NTM: variants seen among roughly 807,000 people sequenced by gnomAD.
NTM encodes the protein IgLON family member 2.
Under a neutral mutation model 42.1 loss-of-function variants are expected in NTM, and 13 were observed. The ratio of observed to expected loss-of-function variants is 0.31; its 90% CI spans 0.20 to 0.49. NTM has a LOEUF of 0.49. Ranked by LOEUF, NTM falls within the 20% of genes least tolerant of loss-of-function variation. The pLI is 0.99. For synonymous variants in NTM, 187 were observed against 179.2 expected, an observed-to-expected ratio of 1.04 and a Z score of -0.35; for missense variants, 373 against 452.8, an observed-to-expected ratio of 0.82 and a Z score of 1.60.
chr11:131,978,354 A>G (rs888613250), intron 2 of NTM, among the ~76,000 whole-genome samples: 3 of 152,196 alleles, frequency 2.0e-5, no homozygotes, highest in Non-Finnish European at 4.4e-5. Flanking sequence ...GATGTTGGCA[A>G]TGGAGGGGAT....
intron 1 of NTM, among the ~76,000 whole-genome samples, chr11:131,380,793 C>T (rs1942579015): frequency 6.6e-6 from 1 of 152,160 alleles, no homozygotes; most frequent in Admixed American, 6.5e-5. Flanking sequence ...TCTGTCGACT[C>T]AAGGTGAGCT....
At chr11:132,096,593 C>A (rs1238941621) in intron 2 of NTM, among the ~76,000 whole-genome samples, 1 of 152,148 alleles carries the variant, frequency 6.6e-6, no homozygotes, top group Non-Finnish European at 1.5e-5. Context: ...GGCCTATTCA[C>A]AAGGCACAAT....
chr11:131,778,642 A>G (rs1023914759), intron 1 of NTM, among the ~76,000 whole-genome samples: 2 of 152,228 alleles, frequency 1.3e-5, no homozygotes, highest in African/African-American at 2.4e-5. Context: ...GCTCTAGCAT[A>G]TAGTGATGGT....
At chr11:131,472,183 T>C (rs1290446303) in intron 1 of NTM, among the ~76,000 whole-genome samples, 1 of 152,220 alleles carries the variant, frequency 6.6e-6, no homozygotes, top group African/African-American at 2.4e-5. Context: ...ACTGTGTGGC[T>C]ATTTAATTGG....
At chr11:132,159,209 A>G (rs374546287) in intron 3 of NTM, among the ~76,000 whole-genome samples, 23 of 152,166 alleles carry the variant, frequency 1.5e-4, no homozygotes, top group Non-Finnish European at 2.2e-4. Flanking sequence ...CTGGACAAAC[A>G]GGGCTTTAGA....
intron 2 of NTM, among the ~76,000 whole-genome samples, chr11:131,939,894 GGCA>G (rs922194522): frequency 3.3e-5 from 5 of 152,160 alleles, no homozygotes; most frequent in African/African-American, 1.2e-4. Context: ...AGGGATATGA[GGCA>G]GTGACAGTGG....
At chr11:131,558,742 G>A (rs537518119) in intron 1 of NTM, among the ~76,000 whole-genome samples, 25 of 152,216 alleles carry the variant, frequency 1.6e-4, no homozygotes, top group African/African-American at 5.1e-4. Context: ...TAAGGTTCAC[G>A]TCTTTGAGAG....
intron 1 of NTM, among the ~76,000 whole-genome samples, chr11:131,410,547 A>G (rs900145160): frequency 7.1e-6 from 1 of 141,500 alleles, no homozygotes; most frequent in Non-Finnish European, 1.6e-5. Flanking sequence ...AAAAAAACAG[A>G]GAAGGACAGA....
intron 2 of NTM, among the ~76,000 whole-genome samples, chr11:132,025,205 T>C (rs1565973343): frequency 6.6e-6 from 1 of 152,172 alleles, no homozygotes; most frequent in Non-Finnish European, 1.5e-5. Flanking sequence ...TCATCTTCCA[T>C]TGTCATGTAG....
At chr11:132,318,912 G>T (rs1291874845) in intron 7 of NTM, among the ~76,000 whole-genome samples, 1 of 151,412 alleles carries the variant, frequency 6.6e-6, no homozygotes, top group African/African-American at 2.5e-5. Context: ...ATGAAAAAAA[G>T]TACCTTTTTA....
chr11:132,218,713 G>T (rs2084461172), intron 4 of NTM, among the ~76,000 whole-genome samples: 1 of 152,168 alleles, frequency 6.6e-6, no homozygotes, highest in South Asian at 2.1e-4. Flanking sequence ...CTCTGTATCT[G>T]CTTCCTGAGG....
intron 1 of NTM, among the ~76,000 whole-genome samples, chr11:131,615,131 G>A (rs7105942): frequency 0.19 from 29,450 of 152,160 alleles, 3,422 homozygotes; most frequent in South Asian, 0.33. Flanking sequence ...ACACACAATG[G>A]CGAAACACTT....
At chr11:132,010,883 C>T (rs185527311) in intron 2 of NTM, among the ~76,000 whole-genome samples, 6 of 151,920 alleles carry the variant, frequency 3.9e-5, no homozygotes, top group Non-Finnish European at 8.8e-5. Flanking sequence ...AGGTTATATT[C>T]GCAGCTCTTG....
intron 2 of NTM, among the ~76,000 whole-genome samples, chr11:131,938,804 C>T (rs2134182890): frequency 6.6e-6 from 1 of 152,154 alleles, no homozygotes; most frequent in Non-Finnish European, 1.5e-5. Context: ...GGACGTGATG[C>T]TGGAATTTGT....
At chr11:131,911,130 C>G (rs1160238866) in intron 1 of NTM, 5 of 1,251,800 alleles carry the variant, frequency 4.0e-6, no homozygotes, top group Non-Finnish European at 5.1e-6. Flanking sequence ...AGTGCCGTGT[C>G]TGAACTGCCG....
intron 4 of NTM, among the ~76,000 whole-genome samples, chr11:132,273,409 T>C (rs557869176): frequency 1.8e-4 from 26 of 144,418 alleles, no homozygotes; most frequent in African/African-American, 6.1e-4. Context: ...ATCTGCCTGG[T>C]CTTGGAATTA....
intron 2 of NTM, among the ~76,000 whole-genome samples, chr11:132,085,989 G>A (rs1375181961): frequency 2.0e-5 from 3 of 152,132 alleles, no homozygotes; most frequent in Admixed American, 2.0e-4. Flanking sequence ...GAGTCTCAGA[G>A]CATCAGAAGT....
intron 2 of NTM, among the ~76,000 whole-genome samples, chr11:132,124,521 A>T (rs2065357572): frequency 2.6e-5 from 4 of 152,160 alleles, no homozygotes; most frequent in Non-Finnish European, 1.5e-5. Flanking sequence ...TTTCTACCCA[A>T]ATCCTACTCA....
At chr11:131,442,997 A>G (rs1949748492) in intron 1 of NTM, among the ~76,000 whole-genome samples, 1 of 152,164 alleles carries the variant, frequency 6.6e-6, no homozygotes, top group Non-Finnish European at 1.5e-5. Context: ...GTAGATGCCC[A>G]GTAGTGGGAA....
Sources: gnomAD v4.1 joint callset for allele counts (sites outside exome capture counted in the v4.1 genomes callset) on GRCh38, gnomAD v4.1.1 for gene constraint, MANE v1.5 for transcripts, NCBI Gene and HGNC (gene_info 2026-07-23, HGNC 2026-07-21) for gene names.